Variants in PPM1E observed in about 807,000 individuals in gnomAD.
PPM1E encodes protein phosphatase, Mg2+/Mn2+ dependent 1E, also known as protein phosphatase 1E.
Under a neutral mutation model 65.9 loss-of-function variants are expected in PPM1E, and 20 were observed. That is an observed-to-expected ratio of 0.30 (90% CI 0.21 to 0.44). The LOEUF is 0.44. Among genes scored for constraint, PPM1E ranks in the 20% least tolerant of loss-of-function variants. PPM1E has a pLI of 1.00. For missense variants in PPM1E, 713 were observed against 953.1 expected, an observed-to-expected ratio of 0.75 and a Z score of 3.32; for synonymous variants, 352 against 374.9, an observed-to-expected ratio of 0.94 and a Z score of 0.70.
chr17:58,934,087 C>CA (rs11316368), intron 1 of PPM1E, among the ~76,000 whole-genome samples: 7,187 of 79,948 alleles, frequency 0.09, 332 homozygotes, highest in Middle Eastern at 0.1. Context: ...GACTTCGTAT[C>CA]AAAAAAAAAA....
intron 3 of PPM1E, among the ~76,000 whole-genome samples, chr17:58,968,608 T>G (rs1421085488): frequency 1.3e-5 from 2 of 152,062 alleles, no homozygotes; most frequent in African/African-American, 4.8e-5. Context: ...GAAAAAGAAG[T>G]CAAAAGACTT....
chr17:58,948,447 T>C (rs1033157990), intron 1 of PPM1E, among the ~76,000 whole-genome samples: 3 of 152,126 alleles, frequency 2.0e-5, no homozygotes, highest in Non-Finnish European at 4.4e-5. Flanking sequence ...AGATTTCTTA[T>C]CTGGCAAGTA....
intron 1 of PPM1E, among the ~76,000 whole-genome samples, chr17:58,896,388 C>G (rs1203343172): frequency 6.6e-6 from 1 of 151,960 alleles, no homozygotes; most frequent in Non-Finnish European, 1.5e-5. Context: ...AGTTCAAGAC[C>G]TGCCTGACCA....
chr17:58,889,155 T>C (rs1356910777), intron 1 of PPM1E, among the ~76,000 whole-genome samples: 4 of 152,178 alleles, frequency 2.6e-5, no homozygotes, highest in African/African-American at 7.2e-5. Context: ...AGGTTAACCT[T>C]ATACCAACTT....
At chr17:58,816,784 ATATATATATATTTT>A (rs1313057823) in intron 1 of PPM1E, among the ~76,000 whole-genome samples, 59 of 8,038 alleles carry the variant, frequency 7.3e-3, no homozygotes, top group East Asian at 0.015. Flanking sequence ...ATATATATAT[ATATATATATATTTT>A]TTTTTTTTTT....
At chr17:58,917,470 G>A (rs2051697788) in intron 1 of PPM1E, among the ~76,000 whole-genome samples, 1 of 152,166 alleles carries the variant, frequency 6.6e-6, no homozygotes, top group South Asian at 2.1e-4. Flanking sequence ...GCCCAGATGT[G>A]TTGTGGTTAA....
intron 1 of PPM1E, among the ~76,000 whole-genome samples, chr17:58,776,851 G>A (rs1364522528): frequency 6.6e-6 from 1 of 152,136 alleles, no homozygotes; most frequent in East Asian, 1.9e-4. Flanking sequence ...CTAAATTAGA[G>A]AGAAACCCAG....
intron 1 of PPM1E, among the ~76,000 whole-genome samples, chr17:58,916,668 T>C (rs2051686957): frequency 6.6e-6 from 1 of 152,082 alleles, no homozygotes; most frequent in Non-Finnish European, 1.5e-5. Context: ...AATCAGATGT[T>C]AGGGATATTA....
intron 1 of PPM1E, among the ~76,000 whole-genome samples, chr17:58,765,259 C>T (rs11657925): frequency 2.0e-3 from 306 of 150,420 alleles, no homozygotes; most frequent in Admixed American, 3.9e-3. Context: ...CTCACTGCAA[C>T]TTCCAACTTC....
chr17:58,781,755 G>A (rs1009418686), intron 1 of PPM1E, among the ~76,000 whole-genome samples: 1 of 151,704 alleles, frequency 6.6e-6, no homozygotes, highest in Non-Finnish European at 1.5e-5. Context: ...GCATGGTGGT[G>A]CATACCTGTA....
chr17:58,844,650 T>C (rs1331580799), intron 1 of PPM1E, among the ~76,000 whole-genome samples: 2 of 152,336 alleles, frequency 1.3e-5, no homozygotes, highest in East Asian at 3.9e-4. Flanking sequence ...AACTAATTAT[T>C]TCCATGAAAA....
intron 1 of PPM1E, among the ~76,000 whole-genome samples, chr17:58,840,268 A>T (rs1422271594): frequency 6.6e-6 from 1 of 152,222 alleles, no homozygotes. Context: ...TTGGTCATAT[A>T]GACATGATTG....
At chr17:58,798,866 G>A (rs975059098) in intron 1 of PPM1E, among the ~76,000 whole-genome samples, 2 of 151,756 alleles carry the variant, frequency 1.3e-5, no homozygotes, top group African/African-American at 4.8e-5. Flanking sequence ...GCTAAATTTT[G>A]TATTTTTAGT....
intron 1 of PPM1E, among the ~76,000 whole-genome samples, chr17:58,950,764 T>A (rs905234983): frequency 1.3e-5 from 2 of 151,280 alleles, no homozygotes; most frequent in African/African-American, 2.4e-5. Flanking sequence ...AGCTCTAAGA[T>A]TCCTGTTTGG....
intron 1 of PPM1E, among the ~76,000 whole-genome samples, chr17:58,863,634 C>T (rs1321415344): frequency 1.3e-5 from 2 of 152,082 alleles, no homozygotes; most frequent in African/African-American, 4.8e-5. Flanking sequence ...GAAATCTTGT[C>T]CAATGCCCAA....
intron 1 of PPM1E, among the ~76,000 whole-genome samples, chr17:58,775,325 G>C (rs2049983080): frequency 6.6e-6 from 1 of 152,086 alleles, no homozygotes; most frequent in Non-Finnish European, 1.5e-5. Context: ...CTGAGGTATA[G>C]GTTAAGCGAT....
chr17:58,827,779 G>T (rs1035217231), intron 1 of PPM1E, among the ~76,000 whole-genome samples: 3 of 151,336 alleles, frequency 2.0e-5, no homozygotes, highest in Admixed American at 2.0e-4. Flanking sequence ...GCGCGCGCCT[G>T]TAGTCCCAGC....
At chr17:58,823,248 T>G (rs1439027500) in intron 1 of PPM1E, among the ~76,000 whole-genome samples, 1 of 152,154 alleles carries the variant, frequency 6.6e-6, no homozygotes, top group Non-Finnish European at 1.5e-5. Context: ...ATTTCTGTCA[T>G]GTAGGCATTT....
chr17:58,966,024 C>A, intron 3 of PPM1E, 131 bp downstream of exon 3: 1 of 896,342 alleles, frequency 1.1e-6, no homozygotes. Flanking sequence ...GGGCTAAGTG[C>A]AAAGTGGCAC....
Sources: gnomAD v4.1 joint callset for allele counts (sites outside exome capture counted in the v4.1 genomes callset) on GRCh38, gnomAD v4.1.1 for gene constraint, MANE v1.5 for transcripts, NCBI Gene and HGNC (gene_info 2026-07-23, HGNC 2026-07-21) for gene names.